Variants in LRP5 observed in about 807,000 individuals in gnomAD.
LRP5 encodes low-density lipoprotein receptor-related protein 5.
A neutral mutation model predicts 154.1 loss-of-function variants in LRP5; 62 were observed. That is an observed-to-expected ratio of 0.40 (90% CI 0.33 to 0.50). The LOEUF is 0.50. Ranked by LOEUF, LRP5 falls within the 20% of genes least tolerant of loss-of-function variation. The pLI is 0.55. For synonymous variants in LRP5, 966 were observed against 1,011.5 expected, an observed-to-expected ratio of 0.96 and a Z score of 0.85; for missense variants, 1,915 against 2,336.7, an observed-to-expected ratio of 0.82 and a Z score of 3.72.
At chr11:68,321,842 A>G (rs1365991254) in intron 1 of LRP5, among the ~76,000 whole-genome samples, 1 of 152,092 alleles carries the variant, frequency 6.6e-6, no homozygotes, top group Non-Finnish European at 1.5e-5. Context: ...TGCCTGGCAA[A>G]GCTCTCAGGA....
chr11:68,439,571 C>T (rs1320208641), intron 20 of LRP5, among the ~76,000 whole-genome samples: 1 of 152,186 alleles, frequency 6.6e-6, no homozygotes, highest in African/African-American at 2.4e-5. Context: ...CATGTGTCTC[C>T]CGTTTCACAG....
At chr11:68,387,890 C>T (rs2098643903) in intron 6 of LRP5, among the ~76,000 whole-genome samples, 1 of 152,182 alleles carries the variant, frequency 6.6e-6, no homozygotes, top group South Asian at 2.1e-4. Flanking sequence ...GTAACTTGCC[C>T]AGGGCACCCG....
At chr11:68,405,377 G>T (rs2098655032) in intron 8 of LRP5, among the ~76,000 whole-genome samples, 1 of 151,468 alleles carries the variant, frequency 6.6e-6, no homozygotes, top group South Asian at 2.1e-4. Flanking sequence ...GGGCTGACGT[G>T]GCAGGATCAC....
chr11:68,368,822 A>AG (rs2098632498), intron 5 of LRP5, among the ~76,000 whole-genome samples: 1 of 151,736 alleles, frequency 6.6e-6, no homozygotes, highest in African/African-American at 2.4e-5. Flanking sequence ...TATGTATCAA[A>AG]GACATGAGTT....
chr11:68,432,853 G>A (rs969832531), intron 17 of LRP5, among the ~76,000 whole-genome samples: 6 of 152,196 alleles, frequency 3.9e-5, no homozygotes, highest in Non-Finnish European at 5.9e-5. Context: ...GAGTGCTGCC[G>A]CATGCCCAGC....
chr11:68,318,128 C>A (rs1478122734), intron 1 of LRP5, among the ~76,000 whole-genome samples: 1 of 149,460 alleles, frequency 6.7e-6, no homozygotes, highest in Non-Finnish European at 1.5e-5. Context: ...GATCTCAGCT[C>A]ACTGCAAGCT....
At chr11:68,344,546 C>G (rs1052680645) in intron 1 of LRP5, among the ~76,000 whole-genome samples, 28 of 152,062 alleles carry the variant, frequency 1.8e-4, no homozygotes, top group African/African-American at 6.8e-4. Context: ...TCTCAAACTC[C>G]TGGCCTTAAG....
intron 5 of LRP5, among the ~76,000 whole-genome samples, chr11:68,381,391 C>T (rs1055017760): frequency 4.6e-5 from 7 of 152,100 alleles, no homozygotes; most frequent in African/African-American, 1.2e-4. Context: ...CAGGGACGGA[C>T]GGTGTCGAGC....
chr11:68,415,139 T>C (rs1181805004), intron 12 of LRP5, among the ~76,000 whole-genome samples: 2 of 152,160 alleles, frequency 1.3e-5, no homozygotes, highest in African/African-American at 4.8e-5. Context: ...TGTTAGCTGT[T>C]GAGAGGGAGA....
intron 2 of LRP5, among the ~76,000 whole-genome samples, chr11:68,355,509 G>C (rs11228211): frequency 0.14 from 21,411 of 152,186 alleles, 1,806 homozygotes; most frequent in Admixed American, 0.26. Context: ...AGCTGGCTGG[G>C]ATGGGAACTG....
chr11:68,439,339 G>A (rs944579381), intron 20 of LRP5, among the ~76,000 whole-genome samples: 3 of 152,158 alleles, frequency 2.0e-5, no homozygotes, highest in Non-Finnish European at 2.9e-5. Context: ...ACCCCAAGCC[G>A]GCCTCATTGG....
At chr11:68,403,418 G>T (rs2098653748) in intron 7 of LRP5, 65 bp from the exon 8 acceptor site, 12 of 1,461,762 alleles carry the variant, frequency 8.2e-6, no homozygotes, top group Non-Finnish European at 1.1e-5. Flanking sequence ...CCCAGGCAGG[G>T]TCCGGGTTGG....
At chr11:68,371,423 C>G (rs983137330) in intron 5 of LRP5, among the ~76,000 whole-genome samples, 18 of 152,350 alleles carry the variant, frequency 1.2e-4, no homozygotes, top group Admixed American at 1.2e-3. Flanking sequence ...GGGCTTCAGA[C>G]TTCACAAAGC....
intron 7 of LRP5, among the ~76,000 whole-genome samples, chr11:68,398,477 A>ATC (rs1339839882): frequency 2.0e-5 from 3 of 152,190 alleles, no homozygotes; most frequent in Non-Finnish European, 4.4e-5. Flanking sequence ...TGGCTGGACC[A>ATC]TCTCATTGTC....
In LRP5 at chr11:68,403,838, T is replaced by G; in HGVS notation, c.1801+139T>G. The G allele has an allele frequency of 6.0e-6, 6 of 995,698 alleles. No homozygotes were observed. In the South Asian group the frequency reaches 7.7e-5, roughly 13 times the overall value. 61.7% of individuals were successfully genotyped at this position (995,698 alleles called of 1,614,324 possible). On this transcript the variant is annotated intron_variant, in intron 8 of 22. Transcript: ENST00000294304. ...GGGCAGGACAGGAAAGGTGACAGTA[T>G]CTGGCCAAGGACAGATGGGAAGGGA...
intron 2 of LRP5, among the ~76,000 whole-genome samples, chr11:68,348,488 G>T (rs1283388489): frequency 2.1e-5 from 3 of 142,398 alleles, no homozygotes; most frequent in Admixed American, 7.7e-5. Context: ...GAACCCGTGG[G>T]GGGGTTGGCT....
chr11:68,408,900 T>C (rs2098657270), intron 9 of LRP5, among the ~76,000 whole-genome samples: 1 of 150,694 alleles, frequency 6.6e-6, no homozygotes, highest in Non-Finnish European at 1.5e-5. Context: ...ACTTTTTTAA[T>C]AAGTCGGGCG....
chr11:68,387,783 G>A (rs2098643858), intron 6 of LRP5, among the ~76,000 whole-genome samples: 1 of 152,208 alleles, frequency 6.6e-6, no homozygotes, highest in Non-Finnish European at 1.5e-5. Context: ...AGAGGAGCTG[G>A]GAGGTCAGTA....
chr11:68,409,140 TATAA>T (rs2098657784), intron 9 of LRP5, among the ~76,000 whole-genome samples: 1 of 132,412 alleles, frequency 7.6e-6, no homozygotes. Context: ...AATATATATT[TATAA>T]ATATATAATA....
Sources: gnomAD v4.1 joint callset for allele counts (sites outside exome capture counted in the v4.1 genomes callset) on GRCh38, gnomAD v4.1.1 for gene constraint, MANE v1.5 for transcripts, NCBI Gene and HGNC (gene_info 2026-07-23, HGNC 2026-07-21) for gene names.